Variants in TNFRSF14 observed in about 807,000 individuals in gnomAD.
The protein encoded by TNFRSF14 is tumor necrosis factor receptor superfamily member 14.
A neutral mutation model predicts 34.1 loss-of-function variants in TNFRSF14; 18 were observed. That is an observed-to-expected ratio of 0.53 (90% CI 0.36 to 0.78). TNFRSF14 has a LOEUF of 0.78. TNFRSF14 is among the 30% of genes least tolerant of loss of function. The pLI is 0.00. For missense variants in TNFRSF14, 352 were observed against 379.5 expected, an observed-to-expected ratio of 0.93 and a Z score of 0.60; for synonymous variants, 157 against 153.2, an observed-to-expected ratio of 1.02 and a Z score of -0.18.
chr1:2,559,581 G>C (rs1179927697), intron 3 of TNFRSF14: 3 of 1,529,934 alleles, frequency 2.0e-6, no homozygotes, highest in South Asian at 1.2e-5. Context: ...TCCCATCAAC[G>C]AAGCCCTCCC....
chr1:2,559,876 G>C lies in TNFRSF14; in HGVS notation c.358G>C (p.Gly120Arg). The change falls in exon 4 of 8, where the codon GGC (glycine) becomes CGC (arginine). Residue 120 changes from glycine to arginine, a missense_variant. By Grantham distance (125) the Gly-to-Arg change is moderately radical. Transcript: ENST00000355716. The stretch of plus-strand genomic sequence containing the variant: ...CTCCAGGACAGAGAACGCCGTGTGT[G>C]GCTGCAGCCCAGGCCACTTCTGCAT... ...NCSRTENAVC[G>R]CSPGHFCIVQ... is the part of the protein sequence containing the mutation. The C allele has an allele frequency of 6.2e-7, 1 of 1,605,584 alleles. No individual in the cohort carries two copies. Among genetic ancestry groups the C allele is most frequent in the Non-Finnish European group, 8.5e-7 (1 of 1,176,748 alleles).
intron 4 of TNFRSF14, 107 bp from the exon 5 acceptor site, chr1:2,560,517 C>A: frequency 1.3e-6 from 1 of 783,506 alleles, no homozygotes. Context: ...CCTCCCATCA[C>A]CCGTAGAGCA....
intron 1 of TNFRSF14, 76 bp from the exon 2 acceptor site, chr1:2,557,650 C>A: frequency 8.6e-7 from 1 of 1,157,516 alleles, no homozygotes; most frequent in Non-Finnish European, 1.2e-6. Context: ...GAGGGAGATT[C>A]AGGCTGTGGG....
At chr1:2,559,493 G>A (rs1267268573) in intron 3 of TNFRSF14, 27 of 1,462,898 alleles carry the variant, frequency 1.8e-5, no homozygotes, top group Non-Finnish European at 2.2e-5. Context: ...GTGGGGCGAG[G>A]ACCTGCCTGC....
In TNFRSF14 at chr1:2,557,111, G is replaced by A. The variant is rs1644227347; in HGVS notation, c.69+378G>A. 10 of 287,656 alleles carry A rather than the reference G, an allele frequency of 3.5e-5. No individual in the cohort carries two copies. In the South Asian group the frequency reaches 7.7e-4, roughly 22 times the overall value. 17.8% of individuals were successfully genotyped at this position (287,656 alleles called of 1,614,324 possible). On this transcript the variant is annotated intron_variant, in intron 1 of 7. Transcript: ENST00000355716. ...ACTCCCCGGCAGCCCTGACCTTGGT[G>A]ACAGGTGATAAGATCAGTGTGCAGC...
chr1:2,559,135 G>A (rs1377961302), intron 3 of TNFRSF14: 1 of 1,362,948 alleles, frequency 7.3e-7, no homozygotes, highest in Non-Finnish European at 9.7e-7. Flanking sequence ...CAGGGCCTGA[G>A]CCTACAGGGA....
intron 1 of TNFRSF14, among the ~76,000 whole-genome samples, chr1:2,557,310 C>T (rs1223387574): frequency 6.6e-6 from 1 of 152,244 alleles, no homozygotes; most frequent in African/African-American, 2.4e-5. Flanking sequence ...CTGTCACCCA[C>T]TGTCTGGCTT....
At position 2,561,569 on chromosome 1, in the gene TNFRSF14, G is replaced by T; in HGVS notation, c.552-104G>T. 1 of 1,589,606 alleles carries T rather than the reference G, an allele frequency of 6.3e-7. No homozygotes were observed. Among genetic ancestry groups the T allele is most frequent in the Non-Finnish European group, 8.6e-7 (1 of 1,168,376 alleles). On this transcript the variant is annotated intron_variant, in intron 5 of 7. Transcript: ENST00000355716. The surrounding 1 kb of genome is among the most constrained non-coding windows in gnomAD (Gnocchi z 6.0). ...CACCAGCCCAGCCTCCCTGGGACCT[G>T]TCTTCACTGCCTGGGGCCCTGGGAG...
chr1:2,556,343 C>A (rs1292206891), upstream of TNFRSF14: 3 of 623,108 alleles, frequency 4.8e-6, no homozygotes, highest in Admixed American at 6.4e-5. Context: ...AGGGGGAGAA[C>A]TCGCCCCTCC....
rs11573975 is a variant in TNFRSF14, at chr1:2,559,013, C to A, written c.304+545C>A. The stretch of plus-strand genomic sequence containing the variant: ...TCACTGAGCGCAGAGCCTGTCCATG[C>A]GGCCAACGGCTCTGTCCCCTTGGAG... On this transcript the variant is annotated intron_variant, in intron 3 of 7. Transcript: ENST00000355716. The A allele has an allele frequency of 6.6e-6, 9 of 1,367,698 alleles. No homozygotes were observed. The Admixed American group carries it at 1.1e-4, about 17-fold the overall frequency. The allele number at this position is 1,367,698 out of a possible 1,614,324, so 84.7% of individuals were successfully genotyped here. A position where few individuals can be genotyped will look rare whatever the true frequency, so the allele number is the denominator to read the frequency against.
At position 2,563,487 on chromosome 1, in the gene TNFRSF14, C is replaced by T. The variant is rs993267069; in HGVS notation, c.*214C>T. 5.7e-6 allele frequency: 4 copies of T among 699,994 alleles called. No individual in the cohort carries two copies. Among genetic ancestry groups the T allele is most frequent in the Non-Finnish European group, 6.9e-6 (3 of 436,348 alleles). The allele number at this position is 699,994 out of a possible 1,614,324, so 43.4% of individuals were successfully genotyped here. A position where few individuals can be genotyped will look rare whatever the true frequency, so the allele number is the denominator to read the frequency against. Reference sequence around the variant, plus strand: ...CCATGGGCCAGTGAGGGCCTGGGGCCTCTGTTCTGCTGTGGCCTGAGCTCC... The same window carrying T: ...CCATGGGCCAGTGAGGGCCTGGGGCTTCTGTTCTGCTGTGGCCTGAGCTCC... On this transcript the variant is annotated 3_prime_UTR_variant, in exon 8 of 8. Coordinates refer to ENST00000355716, the MANE Select transcript of TNFRSF14 (RefSeq NM_003820.4).
At chr1:2,556,894 G>A (rs1644223861) in intron 1 of TNFRSF14, 161 bp downstream of exon 1, 2 of 687,736 alleles carry the variant, frequency 2.9e-6, no homozygotes, top group East Asian at 2.7e-5. Flanking sequence ...CAGACCCCCA[G>A]CACTGGGCTC....
intron 7 of TNFRSF14, 105 bp downstream of exon 7, chr1:2,563,001 C>T (rs956303152): frequency 4.9e-5 from 75 of 1,545,300 alleles, no homozygotes; most frequent in Non-Finnish European, 6.4e-5. Flanking sequence ...TCCCAGTTCT[C>T]TGAGGGTCCT....
At chr1:2,559,702 C>A in intron 3 of TNFRSF14, 121 bp from the exon 4 acceptor site, 1 of 1,536,380 alleles carries the variant, frequency 6.5e-7, no homozygotes, top group Non-Finnish European at 8.7e-7. Context: ...TTTGGCTGAG[C>A]CAGGGGTTCA....
rs535579701 is a variant in TNFRSF14, at chr1:2,563,180, A to G, written c.759A>G (p.Thr253=). The G allele has an allele frequency of 1.9e-6, 3 of 1,613,526 alleles. No homozygotes were observed. The highest frequency in any genetic ancestry group is 1.1e-5 in the South Asian group (1 of 91,084). ...RKRQEAEGEA[T]VIEALQAPPD... ...GACAGGAGGCAGAAGGTGAGGCCAC[A>G]GTCATTGAGGCCCTGCAGGCCCCTC... Residue 253 remains threonine (T), a synonymous_variant, in exon 8 of 8, where the codon ACA becomes ACG. Transcript: ENST00000355716.
chr1:2,556,225 C>T (rs1485397739), upstream of TNFRSF14: 11 of 450,736 alleles, frequency 2.4e-5, no homozygotes, highest in South Asian at 1.5e-4. Context: ...GTCAGCGCCC[C>T]GGGGAGCAGC....
rs549148903 is a variant in TNFRSF14, at chr1:2,559,106, C to T, written c.304+638C>T. The T allele has an allele frequency of 2.2e-6, 3 of 1,365,630 alleles. No individual in the cohort carries two copies. The East Asian group carries it at 1.0e-4, about 47-fold the overall frequency. 84.6% of individuals were successfully genotyped at this position (1,365,630 alleles called of 1,614,324 possible). A position where few individuals can be genotyped will look rare whatever the true frequency, so the allele number is the denominator to read the frequency against. ...GCAGGACTGCACCTGCGGGACAGGG[C>T]TGACGGCACACCTGGGGGCAGGGCC... On this transcript the variant is annotated intron_variant, in intron 3 of 7. Coordinates refer to ENST00000355716, the MANE Select transcript of TNFRSF14 (RefSeq NM_003820.4).
Position 2,561,493 on chromosome 1 carries a change from G to T in TNFRSF14, c.552-180G>T. 6.5e-7 allele frequency: 1 copy of T among 1,527,652 alleles called. No individual in the cohort carries two copies. 94.6% of individuals were successfully genotyped at this position (1,527,652 alleles called of 1,614,324 possible). A position where few individuals can be genotyped will look rare whatever the true frequency, so the allele number is the denominator to read the frequency against. On this transcript the variant is annotated intron_variant, in intron 5 of 7. Transcript: ENST00000355716. This position sits in a 1 kb window ranked among gnomAD's most constrained non-coding sequence, Gnocchi z 6.0. ...CCTTCCTTCTCTCCACCTCCCCATA[G>T]CCGAGCTTGGAAAAGTCAGACAGAC... is the stretch of plus-strand genomic sequence containing the variant.
At chr1:2,560,065 A>C (rs2100854118) in intron 4 of TNFRSF14, 87 bp downstream of exon 4, 1 of 1,450,392 alleles carries the variant, frequency 6.9e-7, no homozygotes, top group Non-Finnish European at 9.1e-7. Flanking sequence ...CCTCGACGGC[A>C]TGGCCTGCCC....
Sources: allele counts gnomAD v4.1 joint callset (sites outside exome capture counted in the v4.1 genomes callset), GRCh38; gene constraint gnomAD v4.1.1; non-coding constraint Gnocchi (gnomAD v3.1); transcripts MANE v1.5; gene names NCBI Gene and HGNC (gene_info 2026-07-23, HGNC 2026-07-21).